The following TMEM260 variants were observed in gnomAD, a reference collection of about 807,000 sequenced individuals.
The protein encoded by TMEM260 is transmembrane protein 260, also known as protein O-mannosyl-transferase TMEM260.
TMEM260 carries 82 observed loss-of-function variants against 88.9 expected under a neutral mutation model. That is an observed-to-expected ratio of 0.92 (90% CI 0.77 to 1.11). The LOEUF (loss-of-function observed/expected upper bound fraction) is 1.11, where lower values mean the gene tolerates loss of function less well. Ranked by LOEUF, TMEM260 falls within the 50% of genes least tolerant of loss-of-function variation. The pLI, the probability that TMEM260 is intolerant of heterozygous loss-of-function variation, is 0.00. For synonymous variants in TMEM260, 314 were observed against 309.3 expected, an observed-to-expected ratio of 1.02 and a Z score of -0.16; for missense variants, 902 against 853.4, an observed-to-expected ratio of 1.06 and a Z score of -0.71.
intron 3 of TMEM260, among the ~76,000 whole-genome samples, chr14:56,600,212 C>T (rs17091770): frequency 0.013 from 1,965 of 152,238 alleles, 42 homozygotes; most frequent in East Asian, 0.084. Context: ...TTTCATATTC[C>T]GTATATCCTA....
At chr14:56,597,022 T>G (rs1886292531) in intron 3 of TMEM260, among the ~76,000 whole-genome samples, 1 of 152,080 alleles carries the variant, frequency 6.6e-6, no homozygotes, top group Admixed American at 6.5e-5. Flanking sequence ...TTATTGCGTT[T>G]AATTGGATGA....
intron 3 of TMEM260, 95 bp downstream of exon 3, chr14:56,586,007 T>C: frequency 7.8e-7 from 1 of 1,288,780 alleles, no homozygotes; most frequent in Non-Finnish European, 1.1e-6. Context: ...CTTTTGTTGC[T>C]TGGTTTCCCT....
chr14:56,605,683 G>A lies in TMEM260; in HGVS notation c.636G>A (p.Lys212=), dbSNP rs1182835288. The part of the protein sequence containing the change: ...PWILFQLLKK[K]ELSLGSLLKL... ...TTCTCTTTCAACTTTTAAAAAAGAA[G>A]GTACGTTTTTGAATTTTGTAAAAAA... The change falls in exon 5 of 16, where the codon AAG becomes AAA. Residue 212 remains lysine (K), a splice_region_variant and synonymous_variant. Coordinates refer to ENST00000261556, the MANE Select transcript of TMEM260 (RefSeq NM_017799.4). 2.6e-6 allele frequency: 4 copies of A among 1,524,248 alleles called. No individual in the cohort carries two copies. Among genetic ancestry groups the A allele is most frequent in the Non-Finnish European group, 3.6e-6 (4 of 1,122,566 alleles). 94.4% of individuals were successfully genotyped at this position (1,524,248 alleles called of 1,614,324 possible). A position where few individuals can be genotyped will look rare whatever the true frequency, so the allele number is the denominator to read the frequency against.
chr14:56,617,163 AT>A lies in TMEM260; in HGVS notation c.942-15del, dbSNP rs760964786. ...TCATGTATCTAAATATTTTAGACATATTTTTATTATTTTTTGTAGGGACAGA... is the reference window on the plus strand; with the variant it reads ...TCATGTATCTAAATATTTTAGACATATTTTATTATTTTTTGTAGGGACAGA... On this transcript the variant is annotated intron_variant, in intron 8 of 15. Transcript: ENST00000261556. 1.4e-6 allele frequency: 2 copies of A among 1,411,654 alleles called. No individual in the cohort carries two copies. Among genetic ancestry groups the A allele is most frequent in the Non-Finnish European group, 1.9e-6 (2 of 1,028,538 alleles). The allele number at this position is 1,411,654 out of a possible 1,614,324, so 87.4% of individuals were successfully genotyped here.
chr14:56,612,214 G>A (rs1011779856), intron 6 of TMEM260, 31 bp from the exon 7 acceptor site: 1 of 1,593,766 alleles, frequency 6.3e-7, no homozygotes, highest in Admixed American at 1.7e-5. Context: ...TTTAATGCTT[G>A]TGCAGATAAA....
chr14:56,582,995 A>G (rs1220499941), intron 1 of TMEM260, among the ~76,000 whole-genome samples: 8 of 152,212 alleles, frequency 5.3e-5, no homozygotes, highest in Non-Finnish European at 1.2e-4. Flanking sequence ...TTTCCATGGT[A>G]AAAAGAAGTT....
chr14:56,644,645 G>A (rs978570269), intron 15 of TMEM260, among the ~76,000 whole-genome samples: 1 of 152,144 alleles, frequency 6.6e-6, no homozygotes, highest in African/African-American at 2.4e-5. Flanking sequence ...AGCCAAAATT[G>A]ACAAATGGGA....
intron 15 of TMEM260, among the ~76,000 whole-genome samples, chr14:56,643,724 CT>C (rs1385157304): frequency 6.6e-6 from 1 of 152,190 alleles, no homozygotes; most frequent in East Asian, 1.9e-4. Flanking sequence ...CAAATTGTCC[CT>C]GTTTGCAGAT....
chr14:56,606,639 C>A (rs1053599716), intron 5 of TMEM260, among the ~76,000 whole-genome samples: 2 of 152,182 alleles, frequency 1.3e-5, no homozygotes, highest in African/African-American at 4.8e-5. Context: ...CGCCTGTAAT[C>A]CTAGCACTTT....
intron 9 of TMEM260, among the ~76,000 whole-genome samples, chr14:56,618,290 G>A (rs1268109578): frequency 2.0e-5 from 3 of 152,208 alleles, no homozygotes; most frequent in East Asian, 1.9e-4. Flanking sequence ...CAGGAGTAAA[G>A]CAAAAGCATT....
At chr14:56,662,655 C>A in the TMEM260 span, among the ~76,000 whole-genome samples, 1 of 152,234 alleles carries the variant, frequency 6.6e-6, no homozygotes, top group African/African-American at 2.4e-5. Context: ...CTATCTCCGA[C>A]TAGGCTTGCC....
At chr14:56,584,609 C>T (rs1294093353) in intron 1 of TMEM260, among the ~76,000 whole-genome samples, 1 of 152,048 alleles carries the variant, frequency 6.6e-6, no homozygotes, top group African/African-American at 2.4e-5. Flanking sequence ...CAGATGTCTG[C>T]GCATTTTACC....
At chr14:56,622,240 G>T (rs1355879852) in intron 11 of TMEM260, among the ~76,000 whole-genome samples, 1 of 151,528 alleles carries the variant, frequency 6.6e-6, no homozygotes, top group African/African-American at 2.4e-5. Context: ...CTACTCGGGA[G>T]GCTGAGGCAG....
At chr14:56,591,955 G>A (rs984066598) in intron 3 of TMEM260, among the ~76,000 whole-genome samples, 1 of 152,128 alleles carries the variant, frequency 6.6e-6, no homozygotes, top group Non-Finnish European at 1.5e-5. Context: ...ATTTATGGGA[G>A]CTATTCCTAA....
At chr14:56,609,356 T>A in intron 6 of TMEM260, 71 bp downstream of exon 6, 2 of 1,386,478 alleles carry the variant, frequency 1.4e-6, no homozygotes, top group Non-Finnish European at 2.0e-6. Flanking sequence ...GGGCCTTGAT[T>A]AAAAAAACAA....
At chr14:56,659,023 C>A in the TMEM260 span, among the ~76,000 whole-genome samples, 3 of 152,204 alleles carry the variant, frequency 2.0e-5, no homozygotes, top group East Asian at 1.9e-4. Context: ...AGCCATCACG[C>A]CCAACAAAAA....
intron 3 of TMEM260, among the ~76,000 whole-genome samples, chr14:56,595,562 C>T (rs1318524373): frequency 6.6e-6 from 1 of 152,192 alleles, no homozygotes; most frequent in African/African-American, 2.4e-5. Flanking sequence ...TCACTGCAGC[C>T]TCAACCTCCT....
At chr14:56,579,706 G>C (rs989440630), upstream of TMEM260, 2 of 405,724 alleles carry the variant, frequency 4.9e-6, no homozygotes, top group Non-Finnish European at 8.5e-6. Context: ...TGCACTGCGG[G>C]AAAACTCGCA....
At chr14:56,661,315 A>G in the TMEM260 span, among the ~76,000 whole-genome samples, 1 of 152,094 alleles carries the variant, frequency 6.6e-6, no homozygotes, top group Non-Finnish European at 1.5e-5. Flanking sequence ...GCGTGGGAAA[A>G]TGAAAAAGGG....
Sources: gnomAD v4.1 joint callset for allele counts (sites outside exome capture counted in the v4.1 genomes callset) on GRCh38, gnomAD v4.1.1 for gene constraint, MANE v1.5 for transcripts, NCBI Gene and HGNC (gene_info 2026-07-23, HGNC 2026-07-21) for gene names.